The following MINK1 variants were observed in gnomAD, a reference collection of about 807,000 sequenced individuals.
MINK1 encodes the protein misshapen like kinase 1.
MINK1 carries 46 observed loss-of-function variants against 178.4 expected under a neutral mutation model. The observed-to-expected ratio is 0.26, with a 90% CI of 0.20 to 0.33. MINK1 has a LOEUF of 0.33. Among genes scored for constraint, MINK1 ranks in the 10% least tolerant of loss-of-function variants. The pLI, the probability that MINK1 is intolerant of heterozygous loss-of-function variation, is 1.00. For synonymous variants in MINK1, 797 were observed against 709.7 expected (o/e 1.12, Z -1.96); for missense variants, 1,366 against 1,814.9 (o/e 0.75, Z 4.49).
At chr17:4,867,104 T>TAATAATAATAATAATAATAATAAA (rs1180632644) in intron 1 of MINK1, among the ~76,000 whole-genome samples, 101 of 138,748 alleles carry the variant, frequency 7.3e-4, no homozygotes, top group African/African-American at 1.5e-3. Flanking sequence ...ATAATAATAA[T>TAATAATAATAATAATAATAATAAA]AAACTGCACA....
At position 4,896,855 on chromosome 17, in the gene MINK1, G is replaced by A. The variant is rs760357543; in HGVS notation, c.3915+42G>A. 2.0e-5 allele frequency: 31 copies of A among 1,530,196 alleles called. No individual in the cohort carries two copies. Among genetic ancestry groups the A allele is most frequent in the Non-Finnish European group, 2.7e-5 (31 of 1,140,510 alleles). 94.8% of individuals were successfully genotyped at this position (1,530,196 alleles called of 1,614,324 possible). The stretch of plus-strand genomic sequence containing the variant: ...CTCTGAAAGCCCTGCTGTCCCGGCT[G>A]CCATGACCCTAGGCCCCTGGGCAGA... On this transcript the variant is annotated intron_variant, in intron 31 of 31. Transcript: ENST00000355280. This position sits in a 1 kb window ranked among gnomAD's most constrained non-coding sequence, Gnocchi z 4.6.
In MINK1 at chr17:4,886,266, C is replaced by T. The variant is rs12600427; in HGVS notation, c.773+68C>T. The T allele has an allele frequency of 3.2e-6, 5 of 1,566,950 alleles. No homozygotes were observed. The East Asian group carries it at 6.7e-5, about 21-fold the overall frequency. On this transcript the variant is annotated intron_variant, in intron 9 of 31. Transcript: ENST00000355280. This position sits in a 1 kb window ranked among gnomAD's most constrained non-coding sequence, Gnocchi z 6.1. The stretch of plus-strand genomic sequence containing the variant: ...GACAAGGCCATCCCCACCTTCATGC[C>T]CTCTGTGCTCAGGCTTGGATCTCAC...
At chr17:4,871,023 CT>C in intron 1 of MINK1, 1 of 328,516 alleles carries the variant, frequency 3.0e-6, no homozygotes, top group Non-Finnish European at 6.4e-6. Context: ...CTTCTCATCT[CT>C]TTAGACTTGC....
At chr17:4,874,048 C>G (rs1966946595) in intron 1 of MINK1, among the ~76,000 whole-genome samples, 1 of 152,186 alleles carries the variant, frequency 6.6e-6, no homozygotes, top group Admixed American at 6.6e-5. Context: ...CTCCCATGCT[C>G]TTTCCACCAC....
chr17:4,892,934 T>C (rs992277156), intron 19 of MINK1, 45 bp from the exon 20 acceptor site: 3 of 1,491,832 alleles, frequency 2.0e-6, no homozygotes, highest in South Asian at 1.2e-5. Context: ...CTTGAGGCCA[T>C]CCCTTGTTCA....
intron 1 of MINK1, among the ~76,000 whole-genome samples, chr17:4,870,075 C>CT (rs916259265): frequency 1.9e-4 from 28 of 145,746 alleles, no homozygotes; most frequent in Admixed American, 4.1e-4. Flanking sequence ...GCCCAGCTAA[C>CT]TTTTTTTTTT....
rs772314059 is a variant in MINK1, at chr17:4,894,546, A to G, written c.2830A>G (p.Lys944Glu). 2.5e-6 allele frequency: 4 copies of G among 1,606,196 alleles called. No individual in the cohort carries two copies. Among genetic ancestry groups the G allele is most frequent in the Non-Finnish European group, 1.7e-6 (2 of 1,176,308 alleles). The change falls in exon 24 of 32, where the codon AAG becomes GAG. Residue 944 changes from lysine to glutamate, a missense_variant. By Grantham distance (56) the Lys-to-Glu change is moderately conservative. Coordinates refer to ENST00000355280, the MANE Select transcript of MINK1 (RefSeq NM_153827.5). The surrounding 1 kb of genome is among the most constrained non-coding windows in gnomAD (Gnocchi z 4.1). ...ACAGTACCAGTCTCGTGGGCTGGTA[A>G]AGGCCCCTGGCAAGAGCTCGTTCAC... is the stretch of plus-strand genomic sequence containing the variant. ...SGDYQSRGLV[K>E]APGKSSFTMF...
intron 1 of MINK1, among the ~76,000 whole-genome samples, chr17:4,870,403 T>C (rs1915716358): frequency 6.6e-6 from 1 of 152,052 alleles, no homozygotes. Context: ...AATAACCCTT[T>C]AAATGGGGTG....
At chr17:4,871,003 C>T (rs1915795730) in intron 1 of MINK1, 3 of 281,552 alleles carry the variant, frequency 1.1e-5, no homozygotes, top group East Asian at 2.3e-4. Flanking sequence ...CCCTGGCAAC[C>T]ACTAATCTAC....
At chr17:4,854,499 G>A (rs1344065667) in intron 1 of MINK1, among the ~76,000 whole-genome samples, 1 of 152,180 alleles carries the variant, frequency 6.6e-6, no homozygotes, top group African/African-American at 2.4e-5. Context: ...TGATGAGAAT[G>A]GTATGTGTAT....
chr17:4,891,618 G>A lies in MINK1; in HGVS notation c.1903G>A (p.Ala635Thr), dbSNP rs1476415457. 6.2e-7 allele frequency: 1 copy of A among 1,602,380 alleles called. No individual in the cohort carries two copies. Among genetic ancestry groups the A allele is most frequent in the Non-Finnish European group, 8.5e-7 (1 of 1,175,134 alleles). Reference sequence around the variant, plus strand: ...CACTGCCACGCCCAGTGCCCGAGGAGCTGTCATCCGCCAGAATTCAGACCC... The same window carrying A: ...CACTGCCACGCCCAGTGCCCGAGGAACTGTCATCCGCCAGAATTCAGACCC... ...APTATPSARG[A>T]VIRQNSDPTS... Residue 635 changes from alanine (A) to threonine (T), a missense_variant, in exon 16 of 32, where the codon GCT becomes ACT. This residue lies in a region of MINK1 where 709 missense variants were observed against 692.3 expected (regional missense o/e 1.02). Transcript: ENST00000355280.
chr17:4,897,309 T>G lies in MINK1; in HGVS notation c.*22T>G. The G allele has an allele frequency of 6.2e-7, 1 of 1,608,756 alleles. No homozygotes were observed. Among genetic ancestry groups the G allele is most frequent in the Non-Finnish European group, 8.5e-7 (1 of 1,175,450 alleles). ...GTGACGGGGCCCTGGGCTGGGGCTG[T>G]CCCACACTGGACCCAGCTCTCCCCC... is the stretch of plus-strand genomic sequence containing the variant. On this transcript the variant is annotated 3_prime_UTR_variant, in exon 32 of 32. Transcript: ENST00000355280.
intron 1 of MINK1, among the ~76,000 whole-genome samples, chr17:4,876,685 G>A (rs1273970571): frequency 6.6e-6 from 1 of 152,006 alleles, no homozygotes; most frequent in African/African-American, 2.4e-5. Flanking sequence ...CAGAGGCCAC[G>A]TGTTGCCTGG....
chr17:4,855,480 C>CG (rs1912923111), intron 1 of MINK1, among the ~76,000 whole-genome samples: 1 of 58,128 alleles, frequency 1.7e-5, no homozygotes, highest in Non-Finnish European at 3.2e-5. Context: ...AGCGAGACTC[C>CG]ATCTCAAAAA....
At position 4,896,011 on chromosome 17, in the gene MINK1, G is replaced by A; in HGVS notation, c.3373G>A (p.Glu1125Lys). 6.3e-7 allele frequency: 1 copy of A among 1,597,178 alleles called. No individual in the cohort carries two copies. ...TTCTCTCCCGCCCCCAGTGAAATAC[G>A]AGCGGATTAAGTTCCTGGTCATCGC... ...GCGHYRVVKY[E>K]RIKFLVIALK... is the part of the protein sequence containing the mutation. The change falls in exon 28 of 32, where the codon GAG (glutamate) becomes AAG (lysine). Residue 1125 changes from glutamate (E) to lysine (K), a missense_variant. By Grantham distance (56) the Glu-to-Lys change is moderately conservative. Around this residue, in one of 14 missense-constraint regions of MINK1, gnomAD observed 77 missense variants for 119.5 expected, o/e 0.64. Coordinates refer to ENST00000355280, the MANE Select transcript of MINK1 (RefSeq NM_153827.5). The surrounding 1 kb of genome is among the most constrained non-coding windows in gnomAD (Gnocchi z 4.6).
At chr17:4,872,467 G>A (rs1450714321) in intron 1 of MINK1, among the ~76,000 whole-genome samples, 5 of 151,652 alleles carry the variant, frequency 3.3e-5, no homozygotes, top group Non-Finnish European at 7.4e-5. Flanking sequence ...GTGAAACCCC[G>A]TCTACATAAA....
At chr17:4,859,361 C>G (rs1236844890) in intron 1 of MINK1, 8 of 927,688 alleles carry the variant, frequency 8.6e-6, no homozygotes, top group Non-Finnish European at 1.0e-5. Flanking sequence ...TACCTGCTTC[C>G]CCTGCAGTTT....
intron 1 of MINK1, among the ~76,000 whole-genome samples, chr17:4,865,248 T>C (rs1914762040): frequency 6.6e-6 from 1 of 151,368 alleles, no homozygotes; most frequent in Non-Finnish European, 1.5e-5. Context: ...CTGACTAACA[T>C]GGTGAACCTC....
intron 1 of MINK1, among the ~76,000 whole-genome samples, chr17:4,839,435 CT>C (rs1909847183): frequency 6.6e-6 from 1 of 152,180 alleles, no homozygotes. Flanking sequence ...TCAGTCTTCT[CT>C]TTCCTGGATT....
Sources: allele counts gnomAD v4.1 joint callset (sites outside exome capture counted in the v4.1 genomes callset), GRCh38; gene constraint gnomAD v4.1.1; regional missense constraint gnomAD v4.1.1; non-coding constraint Gnocchi (gnomAD v3.1); transcripts MANE v1.5; gene names NCBI Gene and HGNC (gene_info 2026-07-23, HGNC 2026-07-21).